The following FUBP1 variants were observed in gnomAD, a reference collection of about 807,000 sequenced individuals.
The protein encoded by FUBP1 is far upstream element binding protein 1, also known as far upstream element-binding protein 1.
In FUBP1, 16 loss-of-function variants were observed where a neutral mutation model predicts 94.9. That is an observed-to-expected ratio of 0.17 (90% confidence interval 0.11 to 0.26). The LOEUF is 0.26. FUBP1 is among the 10% of genes least tolerant of loss of function. FUBP1 has a pLI of 1.00. For missense variants in FUBP1, 583 were observed against 808.6 expected (o/e 0.72, Z 3.38); for synonymous variants, 279 against 254.9 (o/e 1.09, Z -0.90).
At chr1:77,957,462 C>T (rs973624073) in intron 16 of FUBP1, among the ~76,000 whole-genome samples, 1 of 152,186 alleles carries the variant, frequency 6.6e-6, no homozygotes, top group African/African-American at 2.4e-5. Context: ...ATGTTGTCTC[C>T]TCTACACTTG....
chr1:77,950,946 T>C (rs1250395487), intron 18 of FUBP1, among the ~76,000 whole-genome samples: 1 of 152,222 alleles, frequency 6.6e-6, no homozygotes, highest in Admixed American at 6.5e-5. Flanking sequence ...AACTCTCATA[T>C]ACTATTAAAA....
rs1348844871 is a variant in FUBP1 at position 77,944,832 on chromosome 1, G to A, written c.*3934C>T. Among the ~76,000 whole-genome samples, 1 of 151,588 alleles carries A rather than the reference G, an allele frequency of 6.6e-6. No homozygotes were observed. The highest frequency in any genetic ancestry group is 1.5e-5 in the Non-Finnish European group (1 of 67,810). On this transcript the variant is annotated 3_prime_UTR_variant, in exon 20 of 20. Coordinates refer to ENST00000370768, the MANE Select transcript of FUBP1 (RefSeq NM_003902.5). The stretch of plus-strand genomic sequence containing the variant: ...AACTAGTATCAAATTACTAGTTTTA[G>A]TATTAAAACCATTTTTTATATTAAA...
At chr1:77,967,135 A>C in intron 4 of FUBP1, 34 bp from the exon 5 acceptor site, 1 of 1,308,484 alleles carries the variant, frequency 7.6e-7, no homozygotes, top group Non-Finnish European at 1.1e-6. Context: ...TTTTCCTTCA[A>C]TGAAAGATAC....
At chr1:77,963,194 A>G (rs1278681751) in intron 13 of FUBP1, among the ~76,000 whole-genome samples, 1 of 152,222 alleles carries the variant, frequency 6.6e-6, no homozygotes, top group African/African-American at 2.4e-5. Context: ...AAAATATTTG[A>G]ATTAACTGCT....
chr1:77,955,420 CTGCAATG>C (rs2102299629), intron 17 of FUBP1, 91 bp from the exon 18 acceptor site: 1 of 727,166 alleles, frequency 1.4e-6, no homozygotes, highest in African/African-American at 1.8e-5. Context: ...TGGCAGGGGC[CTGCAATG>C]TGACAGTGAG....
chr1:77,964,234 A>G lies in FUBP1; in HGVS notation c.940+20T>C. On this transcript the variant is annotated intron_variant, in intron 11 of 19. Transcript: ENST00000370768. ...AAACTCACTGCTGCCAACACTTACA[A>G]GATTATTATATGTACTCACCTGGCT... 6.4e-7 allele frequency: 1 copy of G among 1,560,670 alleles called. No homozygotes were observed. The highest frequency in any genetic ancestry group is 1.1e-5 in the South Asian group (1 of 90,002).
At position 77,959,317 on chromosome 1, in the gene FUBP1, G is replaced by A. The variant is rs778670670; in HGVS notation, c.1576+867C>T. Among the ~76,000 whole-genome samples the A allele has an allele frequency of 5.3e-5, 8 of 152,220 alleles. No homozygotes were observed. In the South Asian group the frequency reaches 1.7e-3, roughly 32 times the overall value. On this transcript the variant is annotated intron_variant, in intron 16 of 19. Coordinates refer to ENST00000370768, the MANE Select transcript of FUBP1 (RefSeq NM_003902.5). ...GAAAGCAAACTACAGGGTATGGAAA[G>A]ATGCCAGAATATAATAGGATAAAAA... is the stretch of plus-strand genomic sequence containing the variant.
At chr1:77,977,886 C>T (rs1658994980) in intron 1 of FUBP1, among the ~76,000 whole-genome samples, 1 of 152,296 alleles carries the variant, frequency 6.6e-6, no homozygotes, top group South Asian at 2.1e-4. Flanking sequence ...ACTCAATGTT[C>T]CTTCAACTGT....
chr1:77,968,052 G>T, intron 3 of FUBP1, 113 bp downstream of exon 3: 1 of 647,056 alleles, frequency 1.5e-6, no homozygotes, highest in Non-Finnish European at 2.6e-6. Flanking sequence ...CAGGCTAGCT[G>T]ATCCAAAATA....
At chr1:77,968,356 C>G (rs1234865080) in intron 2 of FUBP1, among the ~76,000 whole-genome samples, 153 bp from the exon 3 acceptor site, 1 of 152,018 alleles carries the variant, frequency 6.6e-6, no homozygotes, top group Non-Finnish European at 1.5e-5. Flanking sequence ...AACCCCAACT[C>G]AGTAATCTAA....
intron 12 of FUBP1, 40 bp from the exon 13 acceptor site, chr1:77,963,755 A>C (rs772217453): frequency 6.5e-7 from 1 of 1,534,586 alleles, no homozygotes; most frequent in Non-Finnish European, 8.8e-7. Flanking sequence ...GTCAGCACAG[A>C]AATACTTTTG....
chr1:77,963,191 T>C (rs916829108), intron 13 of FUBP1, among the ~76,000 whole-genome samples: 7 of 152,336 alleles, frequency 4.6e-5, no homozygotes, highest in East Asian at 1.9e-4. Context: ...AATAAAATAT[T>C]TGAATTAACT....
intron 13 of FUBP1, 43 bp from the exon 14 acceptor site, chr1:77,962,973 G>A (rs1296221358): frequency 1.4e-6 from 2 of 1,402,840 alleles, no homozygotes; most frequent in Non-Finnish European, 2.0e-6. Context: ...TTTCAAGGGT[G>A]TACTAGGAGC....
intron 14 of FUBP1, among the ~76,000 whole-genome samples, chr1:77,962,510 C>T (rs974517953): frequency 6.6e-6 from 1 of 152,190 alleles, no homozygotes; most frequent in Admixed American, 6.5e-5. Flanking sequence ...ACACTAATAT[C>T]ATGCCTACAG....
intron 6 of FUBP1, 33 bp from the exon 7 acceptor site, chr1:77,966,784 C>T (rs761910720): frequency 7.2e-7 from 1 of 1,391,954 alleles, no homozygotes; most frequent in South Asian, 1.2e-5. Flanking sequence ...AACTTCAGGT[C>T]AAAAGATTAA....
At chr1:77,968,312 T>C in intron 2 of FUBP1, 109 bp from the exon 3 acceptor site, 1 of 683,982 alleles carries the variant, frequency 1.5e-6, no homozygotes, top group Non-Finnish European at 2.4e-6. Flanking sequence ...TCTGAAGGTA[T>C]GGTTTATCAT....
intron 18 of FUBP1, among the ~76,000 whole-genome samples, chr1:77,954,553 A>C (rs533316390): frequency 6.6e-6 from 1 of 152,322 alleles, no homozygotes; most frequent in African/African-American, 2.4e-5. Flanking sequence ...TCTGTGGAGA[A>C]TGAGAAACAT....
intron 1 of FUBP1, 68 bp downstream of exon 1, chr1:77,978,817 A>G (rs1659275676): frequency 3.1e-6 from 5 of 1,589,880 alleles, no homozygotes; most frequent in East Asian, 2.2e-5. Flanking sequence ...GCTTAAGGGT[A>G]GCGGCCTACT....
In FUBP1 at chr1:77,969,931, C is replaced by A. The variant is rs1213414237; in HGVS notation, c.205G>T (p.Asp69Tyr). The A allele has an allele frequency of 6.8e-7, 1 of 1,469,168 alleles. No individual in the cohort carries two copies. The highest frequency in any genetic ancestry group is 9.5e-7 in the Non-Finnish European group (1 of 1,054,346). 91.0% of individuals were successfully genotyped at this position (1,469,168 alleles called of 1,614,324 possible). The change falls in exon 2 of 20, where the codon GAT (aspartate) becomes TAT (tyrosine). Residue 69 changes from aspartate to tyrosine, a missense_variant. Asp to Tyr is a radical substitution (Grantham distance 160, BLOSUM62 -3). Coordinates refer to ENST00000370768, the MANE Select transcript of FUBP1 (RefSeq NM_003902.5). Reference sequence around the variant, plus strand: ...TACTTAGAGTATAACTTACCTCCATCTTCTAAAGGTCTTTTTTGTCCCCCA... The same window carrying A: ...TACTTAGAGTATAACTTACCTCCATATTCTAAAGGTCTTTTTTGTCCCCCA... ...GYGGQKRPLEDGDQPDAKKVA... is the reference protein window; with the variant it reads ...GYGGQKRPLEYGDQPDAKKVA...
Sources: gnomAD v4.1 joint callset for allele counts (sites outside exome capture counted in the v4.1 genomes callset) on GRCh38, gnomAD v4.1.1 for gene constraint, MANE v1.5 for transcripts, NCBI Gene and HGNC (gene_info 2026-07-23, HGNC 2026-07-21) for gene names.